The following TGFBR2 variants were observed in gnomAD, a reference collection of about 807,000 sequenced individuals.
The protein encoded by TGFBR2 is TGF-beta receptor type-2.
A neutral mutation model predicts 49.0 loss-of-function variants in TGFBR2; 18 were observed. That is an observed-to-expected ratio of 0.37 (90% CI 0.25 to 0.54). The LOEUF is 0.54. TGFBR2 is among the 20% of genes least tolerant of loss of function. TGFBR2 has a pLI of 0.85. For synonymous variants in TGFBR2, 282 were observed against 275.9 expected, an observed-to-expected ratio of 1.02 and a Z score of -0.22; for missense variants, 525 against 722.6, an observed-to-expected ratio of 0.73 and a Z score of 3.13.
At chr3:30,631,675 A>G (rs1348150400) in intron 1 of TGFBR2, among the ~76,000 whole-genome samples, 1 of 145,008 alleles carries the variant, frequency 6.9e-6, no homozygotes. Flanking sequence ...TGAAGGGGGA[A>G]GTTTCAAAGT....
intron 1 of TGFBR2, among the ~76,000 whole-genome samples, chr3:30,644,016 T>A (rs1020324944): frequency 6.6e-6 from 1 of 152,182 alleles, no homozygotes; most frequent in African/African-American, 2.4e-5. Context: ...TGGATTCAGC[T>A]TTTATTTGCT....
In TGFBR2 at chr3:30,672,873, A is replaced by G. The variant is rs931083436; in HGVS notation, c.1254+436A>G. ...CAATCTCCCTGAAGTCCAAATCTAC[A>G]TCCACATGGTCACCCAAGATATGTA... On this transcript the variant is annotated intron_variant, in intron 4 of 6. Transcript: ENST00000295754. This position sits in a 1 kb window ranked among gnomAD's most constrained non-coding sequence, Gnocchi z 4.5. Among the ~76,000 whole-genome samples the G allele has an allele frequency of 6.6e-6, 1 of 152,242 alleles. No homozygotes were observed. Among genetic ancestry groups the G allele is most frequent in the Admixed American group, 6.5e-5 (1 of 15,284 alleles).
intron 3 of TGFBR2, among the ~76,000 whole-genome samples, chr3:30,665,892 A>G (rs913112038): frequency 1.3e-5 from 2 of 152,246 alleles, no homozygotes; most frequent in African/African-American, 2.4e-5. Context: ...TTGAAATACA[A>G]TGACCAAATA....
Position 30,691,927 on chromosome 3 carries a change from A to T in TGFBR2, c.*328A>T. 4 of 204,414 alleles carry T rather than the reference A, an allele frequency of 2.0e-5. No individual in the cohort carries two copies. Among genetic ancestry groups the T allele is most frequent in the Non-Finnish European group, 3.9e-5 (4 of 101,564 alleles). 12.7% of individuals were successfully genotyped at this position (204,414 alleles called of 1,614,324 possible). ...CTATGTTTTATATATATATATATAT[A>T]TCTATATATGTCTATAGCTCTATAT... On this transcript the variant is annotated 3_prime_UTR_variant, in exon 7 of 7. Coordinates refer to ENST00000295754, the MANE Select transcript of TGFBR2 (RefSeq NM_003242.6).
Position 30,674,264 on chromosome 3 carries a change from T to A in TGFBR2, c.1396+18T>A, listed in dbSNP as rs780996429. On this transcript the variant is annotated intron_variant, in intron 5 of 6. Coordinates refer to ENST00000295754, the MANE Select transcript of TGFBR2 (RefSeq NM_003242.6). ...AGTGGGAGGTAGGTGTGGACCAGCA[T>A]CATTGTGTAGTGGTAAACTTGTCTT... 6.2e-7 allele frequency: 1 copy of A among 1,613,992 alleles called. No individual in the cohort carries two copies. The highest frequency in any genetic ancestry group is 8.5e-7 in the Non-Finnish European group (1 of 1,179,932).
chr3:30,636,307 C>T (rs1698531095), intron 1 of TGFBR2, among the ~76,000 whole-genome samples: 1 of 151,924 alleles, frequency 6.6e-6, no homozygotes. Context: ...TTATGTCATT[C>T]TTGACAGGTT....
intron 1 of TGFBR2, among the ~76,000 whole-genome samples, chr3:30,638,690 T>TTTGGTTGG (rs1168081329): frequency 6.6e-6 from 1 of 152,188 alleles, no homozygotes; most frequent in Non-Finnish European, 1.5e-5. Context: ...AAGGTGTTTG[T>TTTGGTTGG]TTGGTTGGTT....
In TGFBR2 at chr3:30,606,812, G is replaced by T. The variant is rs1426665370; in HGVS notation, c.-72G>T. The T allele has an allele frequency of 2.6e-6, 3 of 1,139,420 alleles. No individual in the cohort carries two copies. Among genetic ancestry groups the T allele is most frequent in the Non-Finnish European group, 3.4e-6 (3 of 878,458 alleles). 70.6% of individuals were successfully genotyped at this position (1,139,420 alleles called of 1,614,324 possible). ...TCCGGAGAGGGCGCGGCGCGGAGGC[G>T]CAGCCAGGGGTCCGGGAAGGCGCCG... On this transcript the variant is annotated 5_prime_UTR_variant, in exon 1 of 7. Coordinates refer to ENST00000295754, the MANE Select transcript of TGFBR2 (RefSeq NM_003242.6).
chr3:30,630,735 A>C (rs1001924088), intron 1 of TGFBR2, among the ~76,000 whole-genome samples: 1 of 152,324 alleles, frequency 6.6e-6, no homozygotes, highest in East Asian at 1.9e-4. Context: ...GATTAGTCCC[A>C]CATAAAAGGG....
intron 1 of TGFBR2, among the ~76,000 whole-genome samples, chr3:30,612,768 C>T (rs992617634): frequency 2.0e-5 from 3 of 151,966 alleles, no homozygotes; most frequent in Non-Finnish European, 4.4e-5. Flanking sequence ...CTGATGAGGG[C>T]AAGAAGAGCC....
At position 30,650,142 on chromosome 3, in the gene TGFBR2, G is replaced by A. The variant is rs536410581; in HGVS notation, c.264-128G>A. ...TGCTGGAGAACAGGAACCAGCTGCCGTTGTTAGGAACAACTTCATGAAGGA... is the reference window on the plus strand; with the variant it reads ...TGCTGGAGAACAGGAACCAGCTGCCATTGTTAGGAACAACTTCATGAAGGA... On this transcript the variant is annotated intron_variant, in intron 2 of 6. Transcript: ENST00000295754. 168 of 925,908 alleles carry A rather than the reference G, an allele frequency of 1.8e-4. No homozygotes were observed. In the East Asian group the frequency reaches 2.0e-3, roughly 11 times the overall value. The allele number at this position is 925,908 out of a possible 1,614,324, so 57.4% of individuals were successfully genotyped here.
In TGFBR2 at chr3:30,691,784, T is replaced by C. The variant is rs776094473; in HGVS notation, c.*185T>C. ...GGAGTGGGTGACATAGAGCATTCTA[T>C]GCCTTTGACATTGTCATAGGATAAG... On this transcript the variant is annotated 3_prime_UTR_variant, in exon 7 of 7. Transcript: ENST00000295754. 3.3e-5 allele frequency: 21 copies of C among 642,812 alleles called. No individual in the cohort carries two copies. Among genetic ancestry groups the C allele is most frequent in the Non-Finnish European group, 5.5e-5 (20 of 361,074 alleles). 39.8% of individuals were successfully genotyped at this position (642,812 alleles called of 1,614,324 possible). A position where few individuals can be genotyped will look rare whatever the true frequency, so the allele number is the denominator to read the frequency against.
chr3:30,658,697 A>G (rs1699054461), intron 3 of TGFBR2, among the ~76,000 whole-genome samples: 1 of 152,194 alleles, frequency 6.6e-6, no homozygotes, highest in Non-Finnish European at 1.5e-5. Flanking sequence ...TTCCTCTCTC[A>G]TTGTTGTAGC....
chr3:30,607,338 G>A (rs1697942139), intron 1 of TGFBR2, among the ~76,000 whole-genome samples: 1 of 152,202 alleles, frequency 6.6e-6, no homozygotes, highest in African/African-American at 2.4e-5. Flanking sequence ...GGCAGCCTGA[G>A]CTGCCAAAGC....
intron 3 of TGFBR2, among the ~76,000 whole-genome samples, chr3:30,657,587 G>A (rs924990633): frequency 2.6e-5 from 4 of 152,174 alleles, no homozygotes; most frequent in Non-Finnish European, 4.4e-5. Flanking sequence ...GAGGATAAAT[G>A]TATTTATTTA....
At chr3:30,659,361 T>TTTTGTTGTGAAGCAGCC (rs1699071388) in intron 3 of TGFBR2, among the ~76,000 whole-genome samples, 1 of 152,086 alleles carries the variant, frequency 6.6e-6, no homozygotes, top group Non-Finnish European at 1.5e-5. Context: ...CTGAAGCAGC[T>TTTTGTTGTGAAGCAGCC]TTTTGTTGTG....
intron 1 of TGFBR2, among the ~76,000 whole-genome samples, chr3:30,618,525 C>T (rs1237601709): frequency 1.3e-5 from 2 of 150,650 alleles, no homozygotes; most frequent in Non-Finnish European, 3.0e-5. Flanking sequence ...CACGAGCCAT[C>T]GTGTCCGGCC....
At chr3:30,628,454 A>C (rs942387695) in intron 1 of TGFBR2, among the ~76,000 whole-genome samples, 1 of 150,184 alleles carries the variant, frequency 6.7e-6, no homozygotes, top group Admixed American at 6.7e-5. Context: ...ATTCTCCTAG[A>C]AACTCACCTT....
At position 30,672,215 on chromosome 3, in the gene TGFBR2, G is replaced by A; in HGVS notation, c.1032G>A (p.Trp344Ter). ...ACCTGACGCGGCATGTCATCAGCTG[G>A]GAGGACCTGCGCAAGCTGGGCAGCT... ...QEYLTRHVIS[W>*]EDLRKLGSSL... The change falls in exon 4 of 7, where the codon TGG becomes TGA. Residue 344 changes from tryptophan to a stop codon, truncating the protein, a stop_gained. Transcript: ENST00000295754. LOFTEE classifies it high-confidence loss of function. This position sits in a 1 kb window ranked among gnomAD's most constrained non-coding sequence, Gnocchi z 4.5. 1 of 1,610,734 alleles carries A rather than the reference G, an allele frequency of 6.2e-7. No homozygotes were observed. The highest frequency in any genetic ancestry group is 8.5e-7 in the Non-Finnish European group (1 of 1,177,194).
Sources: gnomAD v4.1 joint callset for allele counts (sites outside exome capture counted in the v4.1 genomes callset) on GRCh38, gnomAD v4.1.1 for gene constraint, Gnocchi (gnomAD v3.1) non-coding constraint, MANE v1.5 for transcripts, NCBI Gene and HGNC (gene_info 2026-07-23, HGNC 2026-07-21) for gene names.